Variants in PTPRF observed in about 807,000 individuals in gnomAD.
PTPRF encodes the protein protein tyrosine phosphatase receptor type F.
In PTPRF, 59 loss-of-function variants were observed where a neutral mutation model predicts 201.8. That is an observed-to-expected ratio of 0.29 (90% confidence interval 0.24 to 0.36). PTPRF has a LOEUF of 0.36. Ranked by LOEUF, PTPRF falls within the 10% of genes least tolerant of loss-of-function variation. PTPRF has a pLI of 1.00. For missense variants in PTPRF, 2,132 were observed against 2,690.5 expected (o/e 0.79, Z 4.59); for synonymous variants, 1,088 against 1,089.7 (o/e 1.00, Z 0.03).
At chr1:43,551,829 G>C (rs1380139055) in intron 3 of PTPRF, among the ~76,000 whole-genome samples, 1 of 152,154 alleles carries the variant, frequency 6.6e-6, no homozygotes, top group Non-Finnish European at 1.5e-5. Flanking sequence ...ACAGAATCCT[G>C]TGTCACTGTT....
intron 23 of PTPRF, among the ~76,000 whole-genome samples, chr1:43,615,813 A>G (rs375456153): frequency 2.0e-4 from 30 of 151,888 alleles, no homozygotes; most frequent in African/African-American, 2.9e-4. Flanking sequence ...TGATCCGCCC[A>G]CCTTGGCCTC....
chr1:43,621,901 G>A lies in PTPRF; in HGVS notation c.5656-34G>A, dbSNP rs116253349. 960 of 1,609,838 alleles carry A rather than the reference G, an allele frequency of 6.0e-4. 5 individuals carry two copies. The African/African-American group carries it at 0.011, about 18-fold the overall frequency. On this transcript the variant is annotated intron_variant, in intron 33 of 33. Coordinates refer to ENST00000359947, the MANE Select transcript of PTPRF (RefSeq NM_002840.5). The stretch of plus-strand genomic sequence containing the variant: ...CTGTGTAGTGGGGGTGTCCACTGGC[G>A]CGACCCACACTGACCAGCCCCCTAT...
chr1:43,540,195 C>T (rs2153957761), intron 2 of PTPRF, among the ~76,000 whole-genome samples: 1 of 152,316 alleles, frequency 6.6e-6, no homozygotes, highest in Non-Finnish European at 1.5e-5. Flanking sequence ...TCCCCGCTTT[C>T]CCCAGTCTCG....
chr1:43,598,782 T>C lies in PTPRF; in HGVS notation c.2182T>C (p.Tyr728His), dbSNP rs1361334730. Residue 728 changes from tyrosine (Y) to histidine (H), a missense_variant, in exon 13 of 34, where the codon TAC (tyrosine) becomes CAC (histidine). By Grantham distance (83) the Tyr-to-His change is moderately conservative. Transcript: ENST00000359947. ...ACTGAACTCCACTGCTGTGCATGTC[T>C]ACTGGAAGCTGCCTGTCCCCAGCAA... is the stretch of plus-strand genomic sequence containing the variant. ...EPLNSTAVHV[Y>H]WKLPVPSKQH... The C allele has an allele frequency of 6.2e-7, 1 of 1,614,070 alleles. No homozygotes were observed. The highest frequency in any genetic ancestry group is 8.5e-7 in the Non-Finnish European group (1 of 1,180,026).
At position 43,560,529 on chromosome 1, in the gene PTPRF, G is replaced by A. The variant is rs114721002; in HGVS notation, c.379+6588G>A. ...CTTACAACCTGTGTGGGCAGCAGCA[G>A]GAGTGGGCAGCAAGCAGCCCGAGCT... is the stretch of plus-strand genomic sequence containing the variant. On this transcript the variant is annotated intron_variant, in intron 5 of 33. Transcript: ENST00000359947. Among the ~76,000 whole-genome samples, 261 of 152,264 alleles carry A rather than the reference G, an allele frequency of 1.7e-3. 3 individuals are homozygous for A. Among genetic ancestry groups the A allele is most frequent in the African/African-American group, 5.9e-3 (245 of 41,532 alleles).
At chr1:43,610,955 G>T (rs892808670) in intron 22 of PTPRF, among the ~76,000 whole-genome samples, 2 of 152,164 alleles carry the variant, frequency 1.3e-5, no homozygotes. Flanking sequence ...CACTGTAAAG[G>T]CACCATTAAA....
Position 43,553,739 on chromosome 1 carries a change from T to C in PTPRF, c.238-61T>C. 2 of 1,611,010 alleles carry C rather than the reference T, an allele frequency of 1.2e-6. No homozygotes were observed. Among genetic ancestry groups the C allele is most frequent in the Non-Finnish European group, 1.7e-6 (2 of 1,178,066 alleles). On this transcript the variant is annotated intron_variant, in intron 4 of 33. Transcript: ENST00000359947. The surrounding 1 kb of genome is among the most constrained non-coding windows in gnomAD (Gnocchi z 4.1). ...GACCTTTTGGAGGTGGGAGGACAAC[T>C]GACCCTGAGCAGGCTCCTGTGTCCT...
rs1235003539 is a variant in PTPRF at position 43,591,949 on chromosome 1, G to T, written c.1668+1G>T. On this transcript the variant is annotated splice_donor_variant, in intron 10 of 33. Coordinates refer to ENST00000359947, the MANE Select transcript of PTPRF (RefSeq NM_002840.5). LOFTEE classifies it high-confidence loss of function. Reference sequence around the variant, plus strand: ...GGCGGCAGAGGACGAAGACCAACAGGTGTGCAGCGGGCAGAGAAGCACTGA... The same window carrying T: ...GGCGGCAGAGGACGAAGACCAACAGTTGTGCAGCGGGCAGAGAAGCACTGA... The T allele has an allele frequency of 6.2e-7, 1 of 1,613,478 alleles. No individual in the cohort carries two copies. The highest frequency in any genetic ancestry group is 1.3e-5 in the African/African-American group (1 of 74,922).
chr1:43,617,696 C>T, intron 24 of PTPRF, 40 bp from the exon 25 acceptor site: 1 of 1,602,770 alleles, frequency 6.2e-7, no homozygotes, highest in Non-Finnish European at 8.5e-7. Flanking sequence ...GGGCTGGGGA[C>T]CCTGTAGTAA....
chr1:43,606,342 G>C lies in PTPRF; in HGVS notation c.3586G>C (p.Glu1196Gln). The change falls in exon 20 of 34, where the codon GAG becomes CAG. Residue 1196 changes from glutamate (E) to glutamine (Q), a missense_variant. Around this residue, in one of 6 missense-constraint regions of PTPRF, gnomAD observed 818 missense variants for 915.3 expected, o/e 0.89. Transcript: ENST00000359947. ...GGCTGCTCAACTGGATGTGCTCCCG[G>C]AGACCTTTACCTTGGGGGACAAGAA... ...YVAAQLDVLP[E>Q]TFTLGDKKNY... 1 of 1,614,206 alleles carries C rather than the reference G, an allele frequency of 6.2e-7. No homozygotes were observed. The highest frequency in any genetic ancestry group is 8.5e-7 in the Non-Finnish European group (1 of 1,180,030).
chr1:43,540,811 C>T (rs939556469), intron 2 of PTPRF, among the ~76,000 whole-genome samples: 3 of 152,244 alleles, frequency 2.0e-5, no homozygotes, highest in African/African-American at 7.2e-5. Flanking sequence ...CTCTTCCCCA[C>T]AGGCCCCTCC....
At chr1:43,557,746 G>A (rs1645490476) in intron 5 of PTPRF, among the ~76,000 whole-genome samples, 1 of 152,182 alleles carries the variant, frequency 6.6e-6, no homozygotes, top group Admixed American at 6.5e-5. Context: ...ATGAGGCTGG[G>A]GAGAGTGTGG....
intron 19 of PTPRF, 38 bp from the exon 20 acceptor site, chr1:43,606,202 C>A (rs754471485): frequency 1.3e-6 from 2 of 1,587,940 alleles, no homozygotes; most frequent in Admixed American, 3.4e-5. Flanking sequence ...CCGGCATGCT[C>A]CAAGGCCCCT....
chr1:43,586,839 G>A lies in PTPRF; in HGVS notation c.680-1892G>A, dbSNP rs79756132. Among the ~76,000 whole-genome samples, 631 of 152,288 alleles carry A rather than the reference G, an allele frequency of 4.1e-3. 8 individuals are homozygous for A. The highest frequency in any genetic ancestry group is 0.015 in the African/African-American group (615 of 41,546). ...GCTACCTCAGTAGAGAGAGAAGGTCGCTTTTCTAATAGTTTCTGCGGAAGT... is the reference window on the plus strand; with the variant it reads ...GCTACCTCAGTAGAGAGAGAAGGTCACTTTTCTAATAGTTTCTGCGGAAGT... On this transcript the variant is annotated intron_variant, in intron 7 of 33. Coordinates refer to ENST00000359947, the MANE Select transcript of PTPRF (RefSeq NM_002840.5).
chr1:43,555,277 GTTAC>G (rs1239897670), intron 5 of PTPRF, among the ~76,000 whole-genome samples: 2 of 151,570 alleles, frequency 1.3e-5, no homozygotes, highest in Non-Finnish European at 2.9e-5. Context: ...ATAACATTTG[GTTAC>G]TTACTCGTGG....
At chr1:43,598,402 G>T (rs2154021181) in intron 12 of PTPRF, 1 of 468,474 alleles carries the variant, frequency 2.1e-6, no homozygotes, top group East Asian at 3.4e-5. Context: ...GGCCTAGGAG[G>T]AGTCAGGACA....
At position 43,619,153 on chromosome 1, in the gene PTPRF, G is replaced by A; in HGVS notation, c.4597G>A (p.Val1533Ile). The A allele has an allele frequency of 1.2e-6, 2 of 1,610,998 alleles. No individual in the cohort carries two copies. Residue 1533 changes from valine to isoleucine, a missense_variant, in exon 27 of 34, where the codon GTC (valine) becomes ATC (isoleucine). Around this residue, in one of 6 missense-constraint regions of PTPRF, gnomAD observed 519 missense variants for 659.5 expected, o/e 0.79. Coordinates refer to ENST00000359947, the MANE Select transcript of PTPRF (RefSeq NM_002840.5). Reference sequence around the variant, plus strand: ...TCCCATCCTGGCCTTCCTACGACGGGTCAAGGCCTGCAACCCCCTAGACGC... The same window carrying A: ...TCCCATCCTGGCCTTCCTACGACGGATCAAGGCCTGCAACCCCCTAGACGC... ...PTPILAFLRR[V>I]KACNPLDAGP...
At chr1:43,583,429 G>A (rs1648267041) in intron 7 of PTPRF, among the ~76,000 whole-genome samples, 1 of 152,218 alleles carries the variant, frequency 6.6e-6, no homozygotes, top group African/African-American at 2.4e-5. Context: ...GATCCAGGCG[G>A]TGCTCAGGAA....
intron 29 of PTPRF, 47 bp from the exon 30 acceptor site, chr1:43,620,048 T>C (rs199683800): frequency 4.6e-4 from 742 of 1,611,426 alleles, no homozygotes; most frequent in Non-Finnish European, 5.8e-4. Flanking sequence ...GGGGAGACTC[T>C]AGGGGCAGCA....
Sources: gnomAD v4.1 joint callset for allele counts (sites outside exome capture counted in the v4.1 genomes callset) on GRCh38, gnomAD v4.1.1 for gene constraint, gnomAD v4.1.1 regional missense constraint, Gnocchi (gnomAD v3.1) non-coding constraint, MANE v1.5 for transcripts, NCBI Gene and HGNC (gene_info 2026-07-23, HGNC 2026-07-21) for gene names.